C12orf42: variants seen among roughly 807,000 people sequenced by gnomAD.
C12orf42 encodes the protein chromosome 12 open reading frame 42.
A neutral mutation model predicts 21.6 loss-of-function variants in C12orf42; 25 were observed. The ratio of observed to expected loss-of-function variants is 1.16; its 90% confidence interval spans 0.84 to 1.62. C12orf42 has a LOEUF of 1.62. Ranked by LOEUF, C12orf42 falls within the 40% of genes most tolerant of loss-of-function variation. C12orf42 has a pLI of 0.00. For missense variants in C12orf42, 483 were observed against 459.3 expected (o/e 1.05, Z -0.47); for synonymous variants, 174 against 175.0 (o/e 0.99, Z 0.05).
intron 3 of C12orf42, among the ~76,000 whole-genome samples, chr12:103,393,567 T>C (rs1221976666): frequency 6.6e-6 from 1 of 152,144 alleles, no homozygotes; most frequent in Non-Finnish European, 1.5e-5. Flanking sequence ...CAACAACACA[T>C]GCTTCCGTTC....
At chr12:103,302,693 A>C in intron 5 of C12orf42, 134 bp from the exon 6 acceptor site, 1 of 718,814 alleles carries the variant, frequency 1.4e-6, no homozygotes. Context: ...AAAAAAAAAA[A>C]AACCCTGACA....
chr12:103,456,292 G>A (rs777528723), intron 2 of C12orf42: 5 of 152,042 alleles, frequency 3.3e-5, no homozygotes, highest in Non-Finnish European at 7.4e-5. Context: ...AGTTATTCTT[G>A]AGAACTGTAA....
At chr12:103,473,405 A>G (rs1296001234) in intron 2 of C12orf42, among the ~76,000 whole-genome samples, 1 of 152,204 alleles carries the variant, frequency 6.6e-6, no homozygotes, top group East Asian at 1.9e-4. Context: ...ACAGATAGTC[A>G]GAGAGACCCC....
the C12orf42 span, among the ~76,000 whole-genome samples, chr12:103,207,427 G>T: frequency 0.4 from 61,454 of 151,846 alleles, 12,982 homozygotes; most frequent in South Asian, 0.49. Context: ...TTCCTTTGTA[G>T]TTTAAAATGC....
the C12orf42 span, among the ~76,000 whole-genome samples, chr12:103,088,904 C>A: frequency 6.6e-6 from 1 of 151,970 alleles, no homozygotes; most frequent in Non-Finnish European, 1.5e-5. Flanking sequence ...GAGATCGAGA[C>A]CATCCTGGCT....
downstream of C12orf42, among the ~76,000 whole-genome samples, chr12:103,266,486 AT>A (rs1381553384): frequency 2.0e-5 from 3 of 152,156 alleles, no homozygotes; most frequent in African/African-American, 7.2e-5. Flanking sequence ...AAGTAGCTAT[AT>A]TTGTACCCCT....
the C12orf42 span, among the ~76,000 whole-genome samples, chr12:103,182,950 A>G: frequency 6.6e-6 from 1 of 152,252 alleles, no homozygotes; most frequent in African/African-American, 2.4e-5. Flanking sequence ...TGCAGTTTCA[A>G]GTATTTACCA....
At chr12:103,173,021 A>G in the C12orf42 span, among the ~76,000 whole-genome samples, 1 of 152,122 alleles carries the variant, frequency 6.6e-6, no homozygotes, top group Admixed American at 6.6e-5. Flanking sequence ...CAGGAAATAA[A>G]TGTTTTTAGG....
chr12:103,089,512 C>G, the C12orf42 span, among the ~76,000 whole-genome samples: 4 of 151,420 alleles, frequency 2.6e-5, no homozygotes, highest in South Asian at 6.3e-4. Flanking sequence ...GGTAATGAGA[C>G]TCCAATATTT....
intron 4 of C12orf42, among the ~76,000 whole-genome samples, chr12:103,354,042 G>T (rs879772954): frequency 6.6e-6 from 1 of 152,134 alleles, no homozygotes; most frequent in African/African-American, 2.4e-5. Flanking sequence ...TGAAGTATAC[G>T]TGTACAAACT....
At position 103,321,277 on chromosome 12, in the gene C12orf42, C is replaced by T. The variant is rs1481812871; in HGVS notation, c.260-14932G>A. On this transcript the variant is annotated intron_variant, in intron 4 of 5. Transcript: ENST00000548883. ...ACACATGAAAAAATGCTCATCATCA[C>T]TGGCCATCAGAGAAATGCAAATCAA... Among the ~76,000 whole-genome samples the T allele has an allele frequency of 4.6e-5, 7 of 151,520 alleles. No homozygotes were observed. The East Asian group carries it at 1.4e-3, about 29-fold the overall frequency.
chr12:103,073,116 A>T, the C12orf42 span, among the ~76,000 whole-genome samples: 1 of 152,140 alleles, frequency 6.6e-6, no homozygotes, highest in Non-Finnish European at 1.5e-5. Flanking sequence ...CATAACAGGG[A>T]CCTAAATGAT....
intron 5 of C12orf42, among the ~76,000 whole-genome samples, chr12:103,273,159 C>T (rs981680454): frequency 3.9e-5 from 6 of 152,078 alleles, no homozygotes; most frequent in African/African-American, 1.4e-4. Flanking sequence ...AGTCTAGGAC[C>T]ATCTGGGAGC....
chr12:103,495,558 G>A lies in C12orf42; in HGVS notation c.-22+344C>T, dbSNP rs369640577. 8.0e-4 allele frequency among the ~76,000 whole-genome samples: 122 copies of A among 152,068 alleles called. No homozygotes were observed. The East Asian group carries it at 0.016, about 20-fold the overall frequency. ...CGCCTCCGCGGGGGACCATCTGCTC[G>A]CTGTCAATGCATCACCTGCTCGTCT... On this transcript the variant is annotated intron_variant, in intron 1 of 5. Coordinates refer to ENST00000548883, the MANE Select transcript of C12orf42 (RefSeq NM_198521.5).
intron 10 of C12orf42, among the ~76,000 whole-genome samples, chr12:103,239,561 G>A (rs778355866): frequency 1.3e-4 from 20 of 152,192 alleles, no homozygotes; most frequent in Middle Eastern, 3.4e-3. Context: ...AATTCCCTTC[G>A]TGTTTCCTAC....
chr12:103,523,230 T>G, the C12orf42 span, among the ~76,000 whole-genome samples: 1 of 152,228 alleles, frequency 6.6e-6, no homozygotes, highest in Non-Finnish European at 1.5e-5. Context: ...GAGCTCATAA[T>G]AGTTTATATA....
the C12orf42 span, among the ~76,000 whole-genome samples, chr12:103,050,219 GGTGTGTGTGTGTGTGTGTGTGT>G: frequency 1.3e-5 from 2 of 148,650 alleles, no homozygotes; most frequent in Admixed American, 6.7e-5. Context: ...TTTTCTCACA[GGTGTGTGTGTGTGTGTGTGTGT>G]GTGTGTGTGT....
At chr12:103,232,411 AT>A in the C12orf42 span, among the ~76,000 whole-genome samples, 1 of 152,032 alleles carries the variant, frequency 6.6e-6, no homozygotes, top group Non-Finnish European at 1.5e-5. Flanking sequence ...CTCTCATGTT[AT>A]TTTTTAAAAG....
chr12:103,110,300 C>T, the C12orf42 span, among the ~76,000 whole-genome samples: 3 of 152,160 alleles, frequency 2.0e-5, no homozygotes, highest in African/African-American at 7.2e-5. Flanking sequence ...CAAAAGTAGA[C>T]CTTGAGTATG....
Sources: gnomAD v4.1 joint callset for allele counts (sites outside exome capture counted in the v4.1 genomes callset) on GRCh38, gnomAD v4.1.1 for gene constraint, MANE v1.5 for transcripts, NCBI Gene and HGNC (gene_info 2026-07-23, HGNC 2026-07-21) for gene names.